Variants in RBFOX1 observed in about 807,000 individuals in gnomAD.
The protein encoded by RBFOX1 is RNA binding protein fox-1 homolog 1.
RBFOX1 carries 8 observed loss-of-function variants against 57.7 expected under a neutral mutation model. The observed-to-expected ratio is 0.14, with a 90% confidence interval of 0.08 to 0.25. The LOEUF (loss-of-function observed/expected upper bound fraction) is 0.25, where lower values mean the gene tolerates loss of function less well. RBFOX1 is among the 10% of genes least tolerant of loss of function. The pLI is 1.00. For missense variants in RBFOX1, 611 were observed against 548.5 expected, an observed-to-expected ratio of 1.11 and a Z score of -1.14; for synonymous variants, 326 against 222.4, an observed-to-expected ratio of 1.47 and a Z score of -4.15.
At chr16:5,476,917 A>G (rs896466881) in intron 2 of RBFOX1, among the ~76,000 whole-genome samples, 2 of 152,200 alleles carry the variant, frequency 1.3e-5, no homozygotes, top group Non-Finnish European at 2.9e-5. Flanking sequence ...CTACCTCTCC[A>G]TCTAGCCATG....
chr16:6,679,334 C>G (rs924177809), intron 3 of RBFOX1, among the ~76,000 whole-genome samples: 2 of 151,956 alleles, frequency 1.3e-5, no homozygotes, highest in Non-Finnish European at 2.9e-5. Flanking sequence ...CAATGACGAG[C>G]TTGATATGTG....
intron 4 of RBFOX1, among the ~76,000 whole-genome samples, chr16:5,960,592 A>C (rs2059728168): frequency 6.6e-6 from 1 of 152,112 alleles, no homozygotes; most frequent in Non-Finnish European, 1.5e-5. Flanking sequence ...AGTGTTAATC[A>C]GATTCATGCC....
chr16:5,322,271 A>G (rs1039820366), intron 1 of RBFOX1, among the ~76,000 whole-genome samples: 1 of 152,220 alleles, frequency 6.6e-6, no homozygotes, highest in Non-Finnish European at 1.5e-5. Flanking sequence ...CCAAGGGTAG[A>G]TGGCTGAGGA....
intron 4 of RBFOX1, among the ~76,000 whole-genome samples, chr16:7,156,579 T>A (rs1337418426): frequency 6.6e-6 from 1 of 151,964 alleles, no homozygotes; most frequent in Non-Finnish European, 1.5e-5. Flanking sequence ...GTATGCACAT[T>A]TGCATGCAGA....
chr16:6,606,595 C>T (rs1001858370), intron 2 of RBFOX1, among the ~76,000 whole-genome samples: 1 of 152,124 alleles, frequency 6.6e-6, no homozygotes, highest in African/African-American at 2.4e-5. Context: ...CAGCTCCCAC[C>T]TGGAAGTGAG....
intron 2 of RBFOX1, among the ~76,000 whole-genome samples, chr16:6,320,756 C>A (rs2081675508): frequency 6.9e-6 from 1 of 145,810 alleles, no homozygotes; most frequent in Non-Finnish European, 1.5e-5. Flanking sequence ...ACTAAGTGTT[C>A]TTTCAAAAAC....
chr16:5,870,868 C>A (rs930918000), intron 4 of RBFOX1, among the ~76,000 whole-genome samples: 1 of 150,238 alleles, frequency 6.7e-6, no homozygotes, highest in Non-Finnish European at 1.5e-5. Flanking sequence ...GACTTTCTTT[C>A]CCCCCCACCC....
intron 3 of RBFOX1, among the ~76,000 whole-genome samples, chr16:6,720,149 T>C (rs963107451): frequency 2.0e-5 from 3 of 152,070 alleles, no homozygotes; most frequent in Non-Finnish European, 4.4e-5. Flanking sequence ...AGTGCATGCT[T>C]AGCAAAATAT....
intron 3 of RBFOX1, among the ~76,000 whole-genome samples, chr16:6,664,799 T>C (rs181702055): frequency 6.6e-6 from 1 of 152,276 alleles, no homozygotes; most frequent in East Asian, 1.9e-4. Context: ...CCTAATTTAT[T>C]TCAAAAGGCA....
intron 3 of RBFOX1, among the ~76,000 whole-genome samples, chr16:5,806,103 C>A (rs149369555): frequency 2.0e-5 from 3 of 152,264 alleles, no homozygotes; most frequent in Non-Finnish European, 2.9e-5. Context: ...GGGAGGGCCT[C>A]TCATGTCTTT....
At chr16:6,957,617 C>G (rs952218430) in intron 3 of RBFOX1, among the ~76,000 whole-genome samples, 1 of 152,110 alleles carries the variant, frequency 6.6e-6, no homozygotes, top group East Asian at 1.9e-4. Context: ...GTTTTATCAG[C>G]AAGGTCTTTA....
At chr16:6,818,139 G>A (rs1265637388) in intron 3 of RBFOX1, among the ~76,000 whole-genome samples, 1 of 152,050 alleles carries the variant, frequency 6.6e-6, no homozygotes, top group African/African-American at 2.4e-5. Context: ...CCCTTTTCTA[G>A]GTTCCTCTGG....
chr16:6,265,369 C>A (rs967285954), intron 1 of RBFOX1, among the ~76,000 whole-genome samples: 18 of 152,086 alleles, frequency 1.2e-4, no homozygotes, highest in African/African-American at 3.9e-4. Context: ...TCAAGTGATT[C>A]TCCTGCCTCA....
intron 1 of RBFOX1, among the ~76,000 whole-genome samples, chr16:6,046,459 C>G (rs140828598): frequency 6.6e-6 from 1 of 152,190 alleles, no homozygotes. Flanking sequence ...CTTTCAAGTG[C>G]GGATTTAAGA....
intron 1 of RBFOX1, among the ~76,000 whole-genome samples, chr16:5,361,300 G>A (rs1007312202): frequency 3.9e-5 from 6 of 152,112 alleles, no homozygotes; most frequent in Admixed American, 3.3e-4. Context: ...AAGGATCCCT[G>A]CAGTTCTTGG....
chr16:5,794,576 C>G (rs921014450), intron 3 of RBFOX1, among the ~76,000 whole-genome samples: 2 of 151,978 alleles, frequency 1.3e-5, no homozygotes, highest in Non-Finnish European at 2.9e-5. Flanking sequence ...GTATAGCTGT[C>G]GGGCAGGTCA....
chr16:5,493,951 A>G (rs1217225579), intron 2 of RBFOX1, among the ~76,000 whole-genome samples: 1 of 152,194 alleles, frequency 6.6e-6, no homozygotes, highest in Non-Finnish European at 1.5e-5. Context: ...AACAAAAGAA[A>G]AAGGATAGAA....
intron 4 of RBFOX1, among the ~76,000 whole-genome samples, chr16:7,440,907 T>C (rs769757933): frequency 6.6e-6 from 1 of 152,150 alleles, no homozygotes; most frequent in African/African-American, 2.4e-5. Context: ...GGCATGGTTG[T>C]GCACAAATGT....
Position 6,173,721 on chromosome 16 carries a change from C to T in RBFOX1, c.-126-143274C>T, listed in dbSNP as rs373802824. Reference sequence around the variant, plus strand: ...GCCTCTCGGGTTCAAGTGATTCTCCCGCCTGAACCTCCAGAGTAGCTGGGG... The same window carrying T: ...GCCTCTCGGGTTCAAGTGATTCTCCTGCCTGAACCTCCAGAGTAGCTGGGG... On this transcript the variant is annotated intron_variant, in intron 1 of 15. Coordinates refer to ENST00000550418, the MANE Select transcript of RBFOX1 (RefSeq NM_018723.4). Among the ~76,000 whole-genome samples the T allele has an allele frequency of 1.5e-4, 23 of 150,820 alleles. No individual in the cohort carries two copies. The South Asian group carries it at 3.6e-3, about 23-fold the overall frequency.
Sources: gnomAD v4.1 joint callset for allele counts (sites outside exome capture counted in the v4.1 genomes callset) on GRCh38, gnomAD v4.1.1 for gene constraint, MANE v1.5 for transcripts, NCBI Gene and HGNC (gene_info 2026-07-23, HGNC 2026-07-21) for gene names.